The following PCDH15 variants were observed in gnomAD, a reference collection of about 807,000 sequenced individuals.
PCDH15 encodes protocadherin-15.
A neutral mutation model predicts 178.5 loss-of-function variants in PCDH15; 129 were observed. The observed-to-expected ratio is 0.72, with a 90% confidence interval of 0.63 to 0.84. The LOEUF is 0.84. PCDH15 is among the 40% of genes least tolerant of loss of function. PCDH15 has a pLI of 0.00. For missense variants in PCDH15, 2,230 were observed against 2,099.9 expected (o/e 1.06, Z -1.21); for synonymous variants, 800 against 732.0 (o/e 1.09, Z -1.50).
intron 7 of PCDH15, among the ~76,000 whole-genome samples, chr10:54,321,168 T>C (rs1341833252): frequency 1.4e-5 from 2 of 144,610 alleles, no homozygotes; most frequent in Non-Finnish European, 3.0e-5. Flanking sequence ...TATTTGAAAA[T>C]TTTTTTATTT....
chr10:55,426,845 G>A (rs1011260), intron 2 of PCDH15, among the ~76,000 whole-genome samples: 30,361 of 152,050 alleles, frequency 0.2, 4,003 homozygotes, highest in Non-Finnish European at 0.29. Context: ...TTTCTTCTCC[G>A]AAGTTATGCC....
intron 2 of PCDH15, among the ~76,000 whole-genome samples, chr10:54,641,832 G>T (rs995033855): frequency 6.6e-6 from 1 of 152,050 alleles, no homozygotes; most frequent in East Asian, 1.9e-4. Context: ...GAATCATGAT[G>T]TTACTATTTC....
chr10:54,721,211 A>G (rs1941539104), intron 1 of PCDH15, among the ~76,000 whole-genome samples: 1 of 152,124 alleles, frequency 6.6e-6, no homozygotes, highest in East Asian at 1.9e-4. Context: ...ACAATATTTC[A>G]AAAGCTCTGG....
At position 53,899,098 on chromosome 10, in the gene PCDH15, C is replaced by A. The variant is rs574388291; in HGVS notation, c.3501+4145G>T. Among the ~76,000 whole-genome samples the A allele has an allele frequency of 2.1e-5, 3 of 144,850 alleles. No homozygotes were observed. In the East Asian group the frequency reaches 6.2e-4, roughly 30 times the overall value. On this transcript the variant is annotated intron_variant, in intron 26 of 37. Transcript: ENST00000644397. ...AAACTAAATTAGGTATTTTGTCCAT[C>A]TAGATTTAATTATAACATATGTTTT...
chr10:54,707,530 A>G (rs1400113231), intron 1 of PCDH15, among the ~76,000 whole-genome samples: 2 of 152,200 alleles, frequency 1.3e-5, no homozygotes, highest in Non-Finnish European at 2.9e-5. Flanking sequence ...CTAAATAAAT[A>G]CACAAATAAT....
chr10:55,047,496 C>T (rs1485759041), intron 2 of PCDH15, among the ~76,000 whole-genome samples: 2 of 151,694 alleles, frequency 1.3e-5, no homozygotes, highest in Non-Finnish European at 3.0e-5. Context: ...ATAAAAGTAA[C>T]TTCTACTTTT....
chr10:53,814,497 G>A (rs142804953), intron 35 of PCDH15, among the ~76,000 whole-genome samples: 45 of 152,162 alleles, frequency 3.0e-4, no homozygotes, highest in African/African-American at 5.5e-4. Flanking sequence ...GAAGGGATGC[G>A]GATAGGAACC....
At chr10:54,440,465 A>G (rs536406773) in intron 3 of PCDH15, among the ~76,000 whole-genome samples, 1 of 151,944 alleles carries the variant, frequency 6.6e-6, no homozygotes, top group African/African-American at 2.4e-5. Flanking sequence ...TTATGATTTC[A>G]TCAATCAACA....
At chr10:54,771,847 T>A (rs1290234500) in intron 1 of PCDH15, among the ~76,000 whole-genome samples, 1 of 152,260 alleles carries the variant, frequency 6.6e-6, no homozygotes, top group South Asian at 2.1e-4. Flanking sequence ...ATGATCAGTA[T>A]CACTATCTGA....
intron 2 of PCDH15, among the ~76,000 whole-genome samples, chr10:54,658,245 C>T (rs1442216189): frequency 6.6e-6 from 1 of 151,968 alleles, no homozygotes; most frequent in Non-Finnish European, 1.5e-5. Context: ...TTTTCCTCAT[C>T]TTGTCAGAGA....
intron 1 of PCDH15, among the ~76,000 whole-genome samples, chr10:55,173,622 C>G (rs965937521): frequency 1.3e-5 from 2 of 151,922 alleles, no homozygotes; most frequent in Non-Finnish European, 2.9e-5. Flanking sequence ...TATTGTATAA[C>G]TTTTTAGCAT....
At chr10:54,148,741 T>C (rs769905694) in intron 14 of PCDH15, among the ~76,000 whole-genome samples, 2 of 152,054 alleles carry the variant, frequency 1.3e-5, no homozygotes, top group African/African-American at 2.4e-5. Flanking sequence ...AAATATTTTA[T>C]CTTATTTTTG....
intron 2 of PCDH15, among the ~76,000 whole-genome samples, chr10:55,584,509 T>G (rs933575149): frequency 2.0e-4 from 31 of 151,488 alleles, no homozygotes; most frequent in Admixed American, 6.6e-5. Context: ...ATACACAAAT[T>G]AGCTAGGCGT....
At chr10:54,677,334 C>T (rs192507496) in intron 1 of PCDH15, among the ~76,000 whole-genome samples, 2 of 152,116 alleles carry the variant, frequency 1.3e-5, no homozygotes, top group African/African-American at 4.8e-5. Flanking sequence ...GAGATATGAT[C>T]GTGTTACTGC....
intron 1 of PCDH15, among the ~76,000 whole-genome samples, chr10:54,742,047 C>G: frequency 6.6e-6 from 1 of 152,026 alleles, no homozygotes; most frequent in East Asian, 1.9e-4. Context: ...CTAGATAAGT[C>G]TTTTCCTTTC....
intron 2 of PCDH15, among the ~76,000 whole-genome samples, chr10:55,437,709 T>C (rs1839075643): frequency 6.6e-6 from 1 of 151,882 alleles, no homozygotes; most frequent in African/African-American, 2.4e-5. Flanking sequence ...GTAGCTGATC[T>C]AGAAAAACAA....
chr10:55,035,184 A>G (rs1840704368), intron 2 of PCDH15, among the ~76,000 whole-genome samples: 1 of 151,406 alleles, frequency 6.6e-6, no homozygotes, highest in Non-Finnish European at 1.5e-5. Context: ...ATTTAAACTT[A>G]ATTTCAAAAT....
intron 18 of PCDH15, among the ~76,000 whole-genome samples, chr10:54,043,599 G>A (rs929576988): frequency 2.0e-5 from 3 of 151,940 alleles, no homozygotes; most frequent in Non-Finnish European, 4.4e-5. Flanking sequence ...ATGTTGCTCA[G>A]GCTGGTCTCA....
chr10:54,090,158 T>A (rs1362821277), intron 15 of PCDH15, 95 bp from the exon 16 acceptor site: 5 of 929,746 alleles, frequency 5.4e-6, no homozygotes, highest in Middle Eastern at 2.1e-4. Context: ...TAGCACAGAA[T>A]GTCCATGACA....
Sources: allele counts gnomAD v4.1 joint callset (sites outside exome capture counted in the v4.1 genomes callset), GRCh38; gene constraint gnomAD v4.1.1; transcripts MANE v1.5; gene names NCBI Gene and HGNC (gene_info 2026-07-23, HGNC 2026-07-21).